AGMO: variants seen among roughly 807,000 people sequenced by gnomAD.
AGMO encodes the protein alkylglycerol monooxygenase, also known as glyceryl-ether monooxygenase.
In AGMO, 75 loss-of-function variants were observed where a neutral mutation model predicts 60.2. The ratio of observed to expected loss-of-function variants is 1.25; its 90% CI spans 1.03 to 1.51. AGMO has a LOEUF of 1.51. Among genes scored for constraint, AGMO ranks in the 40% most tolerant of loss-of-function variants. AGMO has a pLI of 0.00. For missense variants in AGMO, 763 were observed against 525.5 expected, an observed-to-expected ratio of 1.45 and a Z score of -4.42; for synonymous variants, 261 against 177.1, an observed-to-expected ratio of 1.47 and a Z score of -3.76.
chr7:15,119,334 T>C, the AGMO span, among the ~76,000 whole-genome samples: 6 of 152,078 alleles, frequency 3.9e-5, no homozygotes, highest in African/African-American at 1.4e-4. Flanking sequence ...CCTGCAGAAC[T>C]GTGAGCCAAT....
At chr7:15,128,676 A>G in the AGMO span, among the ~76,000 whole-genome samples, 4 of 152,102 alleles carry the variant, frequency 2.6e-5, no homozygotes, top group African/African-American at 9.7e-5. Flanking sequence ...AAAGAAAGTT[A>G]CCCATTACAT....
the AGMO span, among the ~76,000 whole-genome samples, chr7:15,193,613 TG>T: frequency 6.6e-6 from 1 of 152,172 alleles, no homozygotes. Context: ...AATATCTCCC[TG>T]TTTGCAAGCT....
chr7:15,482,936 A>T (rs1782799066), intron 3 of AGMO, among the ~76,000 whole-genome samples: 1 of 152,190 alleles, frequency 6.6e-6, no homozygotes, highest in South Asian at 2.1e-4. Context: ...ACATCCATTC[A>T]TGATTTTTTA....
the AGMO span, among the ~76,000 whole-genome samples, chr7:15,170,707 A>T: frequency 6.6e-6 from 1 of 152,158 alleles, no homozygotes; most frequent in Non-Finnish European, 1.5e-5. Flanking sequence ...ATTTTTATTA[A>T]CTAAAGTCCA....
intron 3 of AGMO, among the ~76,000 whole-genome samples, chr7:15,518,634 A>C (rs1783889954): frequency 6.6e-6 from 1 of 152,092 alleles, no homozygotes. Flanking sequence ...TGACATCAAC[A>C]AAAAGGGCGA....
Position 15,322,585 on chromosome 7 carries a change from AATATATAAATATAT to A in AGMO, c.1263+42915_1263+42928del, listed in dbSNP as rs1403508545. 4.9e-4 allele frequency among the ~76,000 whole-genome samples: 14 copies of A among 28,848 alleles called. 3 individuals carry two copies. Among genetic ancestry groups the A allele is most frequent in the African/African-American group, 3.0e-3 (14 of 4,638 alleles). The allele number at this position is 28,848 out of a possible 152,430, so 18.9% of individuals were successfully genotyped here. A position where few individuals can be genotyped will look rare whatever the true frequency, so the allele number is the denominator to read the frequency against. On this transcript the variant is annotated intron_variant, in intron 12 of 12. Coordinates refer to ENST00000342526, the MANE Select transcript of AGMO (RefSeq NM_001004320.2). The stretch of plus-strand genomic sequence containing the variant: ...ATATAAATATATATAAATATATATA[AATATATAAATATAT>A]ATAAATATATATAAATATATAAATA...
At chr7:15,364,242 C>A (rs1782876766) in intron 12 of AGMO, among the ~76,000 whole-genome samples, 3 of 151,768 alleles carry the variant, frequency 2.0e-5, no homozygotes, top group Admixed American at 2.0e-4. Context: ...CAAAATTCAC[C>A]TTTTCTTCCC....
intron 12 of AGMO, among the ~76,000 whole-genome samples, chr7:15,317,886 CGT>C (rs1491199532): frequency 6.9e-6 from 1 of 145,916 alleles, no homozygotes; most frequent in African/African-American, 2.6e-5. Context: ...TATATACACA[CGT>C]ATATATATAC....
intron 12 of AGMO, among the ~76,000 whole-genome samples, chr7:15,317,026 T>C (rs914733863): frequency 5.9e-5 from 9 of 152,182 alleles, no homozygotes; most frequent in African/African-American, 7.2e-5. Context: ...ACATGTGGCA[T>C]TGTTATTAAA....
the AGMO span, among the ~76,000 whole-genome samples, chr7:15,183,202 CTT>C: frequency 6.6e-6 from 1 of 151,606 alleles, no homozygotes; most frequent in Non-Finnish European, 1.5e-5. Context: ...ATTCTATCCT[CTT>C]GATATATTTT....
chr7:15,161,581 GTATATATACATATATGTA>G, the AGMO span, among the ~76,000 whole-genome samples: 7 of 150,534 alleles, frequency 4.7e-5, no homozygotes, highest in African/African-American at 1.7e-4. Context: ...ACATATATGT[GTATATATACATATATGTA>G]TCCATCTATA....
intron 3 of AGMO, among the ~76,000 whole-genome samples, chr7:15,442,842 AG>A (rs1781596554): frequency 6.6e-6 from 1 of 152,108 alleles, no homozygotes; most frequent in South Asian, 2.1e-4. Context: ...GGACATCGAG[AG>A]GAACACACAA....
At chr7:15,488,623 T>C (rs1024835328) in intron 3 of AGMO, among the ~76,000 whole-genome samples, 4 of 152,074 alleles carry the variant, frequency 2.6e-5, no homozygotes, top group African/African-American at 9.7e-5. Flanking sequence ...TCACAGCAAA[T>C]ATTTCATTTT....
intron 12 of AGMO, among the ~76,000 whole-genome samples, chr7:15,323,535 A>C (rs1273928225): frequency 6.6e-6 from 1 of 152,162 alleles, no homozygotes; most frequent in Non-Finnish European, 1.5e-5. Flanking sequence ...TTTGTCTTAC[A>C]ATTTCATGCT....
rs1456941803 is a variant in AGMO at position 15,549,911 on chromosome 7, G to T, written c.258-4988C>A. ...CCTATTCCAAAATTGACCACATACTGGGAAGTAAAGCTCTCCTCAGCAAAT... is the reference window on the plus strand; with the variant it reads ...CCTATTCCAAAATTGACCACATACTTGGAAGTAAAGCTCTCCTCAGCAAAT... On this transcript the variant is annotated intron_variant, in intron 2 of 12. Coordinates refer to ENST00000342526, the MANE Select transcript of AGMO (RefSeq NM_001004320.2). Among the ~76,000 whole-genome samples the T allele has an allele frequency of 3.4e-4, 51 of 150,116 alleles. 1 individual carries two copies. The highest frequency in any genetic ancestry group is 6.9e-3 in the Middle Eastern group (2 of 288).
intron 3 of AGMO, among the ~76,000 whole-genome samples, chr7:15,541,387 T>G (rs1429990488): frequency 1.3e-5 from 2 of 152,216 alleles, no homozygotes; most frequent in Non-Finnish European, 2.9e-5. Context: ...CCCAAAGTGC[T>G]GGGATTACAG....
chr7:15,221,613 C>A, intron 12 of AGMO, among the ~76,000 whole-genome samples: 1 of 152,168 alleles, frequency 6.6e-6, no homozygotes, highest in African/African-American at 2.4e-5. Context: ...TGCTACGTGG[C>A]TTTTGTTTGT....
chr7:15,125,915 C>T, the AGMO span, among the ~76,000 whole-genome samples: 3 of 151,986 alleles, frequency 2.0e-5, no homozygotes, highest in African/African-American at 7.2e-5. Context: ...TCATTGTAAG[C>T]GTTAAAGAAA....
chr7:15,487,326 A>G (rs1782950235), intron 3 of AGMO, among the ~76,000 whole-genome samples: 1 of 152,166 alleles, frequency 6.6e-6, no homozygotes, highest in Non-Finnish European at 1.5e-5. Flanking sequence ...TAAGGAGGCC[A>G]AAAGCAACAT....
Sources: allele counts gnomAD v4.1 joint callset (sites outside exome capture counted in the v4.1 genomes callset), GRCh38; gene constraint gnomAD v4.1.1; transcripts MANE v1.5; gene names NCBI Gene and HGNC (gene_info 2026-07-23, HGNC 2026-07-21).